MAPKAPK2: variants seen among roughly 807,000 people sequenced by gnomAD.
The protein encoded by MAPKAPK2 is MAP kinase-activated protein kinase 2.
MAPKAPK2 carries 9 observed loss-of-function variants against 48.8 expected under a neutral mutation model. The ratio of observed to expected loss-of-function variants is 0.18; its 90% CI spans 0.11 to 0.32. MAPKAPK2 has a LOEUF of 0.32. Ranked by LOEUF, MAPKAPK2 falls within the 10% of genes least tolerant of loss-of-function variation. The probability of loss-of-function intolerance (pLI) is 1.00; values close to 1 mark genes in which losing one functional copy is unlikely to be tolerated. For synonymous variants in MAPKAPK2, 202 were observed against 190.6 expected (o/e 1.06, Z -0.49); for missense variants, 331 against 498.3 (o/e 0.66, Z 3.20).
chr1:206,716,290 G>C lies in MAPKAPK2; in HGVS notation c.280-12420G>C, dbSNP rs191630431. Among the ~76,000 whole-genome samples the C allele has an allele frequency of 3.9e-5, 6 of 152,280 alleles. No homozygotes were observed. The East Asian group carries it at 1.2e-3, about 29-fold the overall frequency. On this transcript the variant is annotated intron_variant, in intron 1 of 9. Transcript: ENST00000367103. Reference sequence around the variant, plus strand: ...TCTCTCTCACAGTGACCTTGTGTTTGTGTTGGTGGCTTGAACTCACTCTTG... The same window carrying C: ...TCTCTCTCACAGTGACCTTGTGTTTCTGTTGGTGGCTTGAACTCACTCTTG...
chr1:206,695,958 G>A (rs1360711253), intron 1 of MAPKAPK2: 4 of 707,916 alleles, frequency 5.7e-6, no homozygotes, highest in Non-Finnish European at 1.0e-5. Flanking sequence ...CCCAGGTCCA[G>A]GGGTCTTGGT....
At chr1:206,689,669 A>T (rs1672394712) in intron 1 of MAPKAPK2, among the ~76,000 whole-genome samples, 1 of 152,228 alleles carries the variant, frequency 6.6e-6, no homozygotes, top group African/African-American at 2.4e-5. Context: ...AAATTAACAC[A>T]TGTAGGCTAG....
intron 1 of MAPKAPK2, among the ~76,000 whole-genome samples, chr1:206,695,009 C>G (rs4274064): frequency 0.97 from 147,863 of 152,282 alleles, 71,801 homozygotes; most frequent in East Asian, 1. Context: ...AGCCCACCTG[C>G]GACTCTTAGT....
At chr1:206,720,031 G>T (rs187329650) in intron 1 of MAPKAPK2, among the ~76,000 whole-genome samples, 1 of 152,158 alleles carries the variant, frequency 6.6e-6, no homozygotes, top group African/African-American at 2.4e-5. Context: ...GCACTCCGGG[G>T]TTTCACTGAG....
chr1:206,692,482 C>G (rs1055832960), intron 1 of MAPKAPK2, among the ~76,000 whole-genome samples: 1 of 152,150 alleles, frequency 6.6e-6, no homozygotes, highest in Non-Finnish European at 1.5e-5. Flanking sequence ...GTTTCAGCCC[C>G]GGAGGTTTAG....
At chr1:206,698,155 T>G (rs1293999727) in intron 1 of MAPKAPK2, among the ~76,000 whole-genome samples, 1 of 152,268 alleles carries the variant, frequency 6.6e-6, no homozygotes, top group Admixed American at 6.5e-5. Flanking sequence ...TTTTATTCAT[T>G]CAGCCAATGT....
chr1:206,685,322 C>CCCGGCGCAG lies in MAPKAPK2; in HGVS notation c.97_105dup (p.Ala33_Pro35dup). Reference sequence around the variant, plus strand: ...CCCCCACCCCTGCCCTGCCGCACCCCCCGGCGCAGCCGCCGCCGCCGCCCC... The same window carrying CCCGGCGCAG: ...CCCCCACCCCTGCCCTGCCGCACCCCCCGGCGCAGCCGGCGCAGCCGCCGCCGCCGCCCC... On this transcript the variant is annotated inframe_insertion, in exon 1 of 10. Transcript: ENST00000367103. 7.1e-7 allele frequency: 1 copy of CCCGGCGCAG among 1,414,966 alleles called. No homozygotes were observed. Among genetic ancestry groups the CCCGGCGCAG allele is most frequent in the Non-Finnish European group, 9.4e-7 (1 of 1,064,982 alleles). 87.7% of individuals were successfully genotyped at this position (1,414,966 alleles called of 1,614,324 possible). A position where few individuals can be genotyped will look rare whatever the true frequency, so the allele number is the denominator to read the frequency against.
chr1:206,717,844 CA>C (rs1673382027), intron 1 of MAPKAPK2, among the ~76,000 whole-genome samples: 1 of 151,372 alleles, frequency 6.6e-6, no homozygotes, highest in Non-Finnish European at 1.5e-5. Flanking sequence ...AAGGTTCAAA[CA>C]ATACATAGAG....
intron 1 of MAPKAPK2, among the ~76,000 whole-genome samples, chr1:206,725,874 G>A (rs1310562810): frequency 6.6e-6 from 1 of 152,080 alleles, no homozygotes; most frequent in Non-Finnish European, 1.5e-5. Context: ...GATTTTCTGT[G>A]TCTCCCCTCA....
At position 206,729,018 on chromosome 1, in the gene MAPKAPK2, C is replaced by T. The variant is rs374776015; in HGVS notation, c.420-17C>T. ...GGGCTGTTGTGTTCTCTGGATCTCA[C>T]TGTGGCTTCATTTCAGTTTGGACGG... On this transcript the variant is annotated splice_polypyrimidine_tract_variant and intron_variant, in intron 2 of 9. Coordinates refer to ENST00000367103, the MANE Select transcript of MAPKAPK2 (RefSeq NM_032960.4). 6.2e-7 allele frequency: 1 copy of T among 1,614,020 alleles called. No individual in the cohort carries two copies. The highest frequency in any genetic ancestry group is 1.3e-5 in the African/African-American group (1 of 74,926).
chr1:206,686,413 C>G (rs1259886373), intron 1 of MAPKAPK2, among the ~76,000 whole-genome samples: 3 of 152,172 alleles, frequency 2.0e-5, no homozygotes, highest in East Asian at 1.9e-4. Flanking sequence ...GTGAGAATAT[C>G]GACTTCAGAA....
In MAPKAPK2 at chr1:206,731,534, C is replaced by T; in HGVS notation, c.893-106C>T. The T allele has an allele frequency of 8.7e-7, 1 of 1,144,526 alleles. No homozygotes were observed. The highest frequency in any genetic ancestry group is 1.3e-5 in the South Asian group (1 of 79,320). 70.9% of individuals were successfully genotyped at this position (1,144,526 alleles called of 1,614,324 possible). On this transcript the variant is annotated intron_variant, in intron 7 of 9. Coordinates refer to ENST00000367103, the MANE Select transcript of MAPKAPK2 (RefSeq NM_032960.4). This position sits in a 1 kb window ranked among gnomAD's most constrained non-coding sequence, Gnocchi z 5.9. Reference sequence around the variant, plus strand: ...GGCCAGTTGCTCCGGCAGCCTGCCTCCATGCACCCCCTCTTTGAACCTGGT... The same window carrying T: ...GGCCAGTTGCTCCGGCAGCCTGCCTTCATGCACCCCCTCTTTGAACCTGGT...
At chr1:206,719,442 A>G (rs1476432091) in intron 1 of MAPKAPK2, among the ~76,000 whole-genome samples, 1 of 152,234 alleles carries the variant, frequency 6.6e-6, no homozygotes, top group Non-Finnish European at 1.5e-5. Flanking sequence ...ATTAATGAAC[A>G]TTAATAACAA....
rs1553433277 is a variant in MAPKAPK2, at chr1:206,734,090, AG to A, written c.*1374del. 6.5e-6 allele frequency: 1 copy of A among 152,682 alleles called. No individual in the cohort carries two copies. The highest frequency in any genetic ancestry group is 2.4e-5 in the African/African-American group (1 of 41,438). The allele number at this position is 152,682 out of a possible 1,614,324, so 9.5% of individuals were successfully genotyped here. Reference sequence around the variant, plus strand: ...CCCTTCCCTTGGAGGGAGAGGTGGCAGGAATACTTCACCTTTCCTCTCCCTC... The same window carrying A: ...CCCTTCCCTTGGAGGGAGAGGTGGCAGAATACTTCACCTTTCCTCTCCCTC... On this transcript the variant is annotated 3_prime_UTR_variant, in exon 10 of 10. Transcript: ENST00000367103.
intron 1 of MAPKAPK2, among the ~76,000 whole-genome samples, chr1:206,727,755 G>A (rs1413993605): frequency 2.0e-5 from 3 of 152,110 alleles, no homozygotes; most frequent in Non-Finnish European, 2.9e-5. Context: ...CTGAGTAGCT[G>A]GGGCTACAGT....
At chr1:206,696,127 G>C (rs926331728) in intron 1 of MAPKAPK2, 1 of 1,531,792 alleles carries the variant, frequency 6.5e-7, no homozygotes, top group Admixed American at 1.7e-5. Flanking sequence ...TTCTTTGCCA[G>C]AAAGATCAGT....
chr1:206,731,396 ACGCCTGCGGGGTGCGT>A lies in MAPKAPK2; in HGVS notation c.892+136_892+151del. ...TAACTGTGGGTTAGCACCTATGCCCACGCCTGCGGGGTGCGTCCTGCTTCATTTTGCCTGTGTGGAG... is the reference window on the plus strand; with the variant it reads ...TAACTGTGGGTTAGCACCTATGCCCACCTGCTTCATTTTGCCTGTGTGGAG... On this transcript the variant is annotated intron_variant, in intron 7 of 9. Coordinates refer to ENST00000367103, the MANE Select transcript of MAPKAPK2 (RefSeq NM_032960.4). This position sits in a 1 kb window ranked among gnomAD's most constrained non-coding sequence, Gnocchi z 5.9. 4 of 1,485,676 alleles carry A rather than the reference ACGCCTGCGGGGTGCGT, an allele frequency of 2.7e-6. No homozygotes were observed. Among genetic ancestry groups the A allele is most frequent in the Non-Finnish European group, 3.6e-6 (4 of 1,102,414 alleles). 92.0% of individuals were successfully genotyped at this position (1,485,676 alleles called of 1,614,324 possible). A position where few individuals can be genotyped will look rare whatever the true frequency, so the allele number is the denominator to read the frequency against.
At position 206,685,329 on chromosome 1, in the gene MAPKAPK2, CAG is replaced by C; in HGVS notation, c.101_102del (p.Gln34ProfsTer28). On this transcript the variant is annotated frameshift_variant, in exon 1 of 10. Coordinates refer to ENST00000367103, the MANE Select transcript of MAPKAPK2 (RefSeq NM_032960.4). LOFTEE classifies it high-confidence loss of function. ...CCCTGCCCTGCCGCACCCCCCGGCGCAGCCGCCGCCGCCGCCCCCGCAGCAGT... is the reference window on the plus strand; with the variant it reads ...CCCTGCCCTGCCGCACCCCCCGGCGCCCGCCGCCGCCGCCCCCGCAGCAGT... ...PTPALPHPPA[Q>X]PPPPPPQQFP... 1.4e-6 allele frequency: 2 copies of C among 1,435,554 alleles called. No homozygotes were observed. The highest frequency in any genetic ancestry group is 1.9e-6 in the Non-Finnish European group (2 of 1,079,942). 88.9% of individuals were successfully genotyped at this position (1,435,554 alleles called of 1,614,324 possible). A position where few individuals can be genotyped will look rare whatever the true frequency, so the allele number is the denominator to read the frequency against.
At chr1:206,722,810 G>T (rs542486568) in intron 1 of MAPKAPK2, among the ~76,000 whole-genome samples, 2 of 152,182 alleles carry the variant, frequency 1.3e-5, no homozygotes, top group African/African-American at 4.8e-5. Context: ...CTGCCCTCCC[G>T]AGTCCTCTTT....
Sources: gnomAD v4.1 joint callset for allele counts (sites outside exome capture counted in the v4.1 genomes callset) on GRCh38, gnomAD v4.1.1 for gene constraint, Gnocchi (gnomAD v3.1) non-coding constraint, MANE v1.5 for transcripts, NCBI Gene and HGNC (gene_info 2026-07-23, HGNC 2026-07-21) for gene names.